The following DIAPH2 variants were observed in gnomAD, a reference collection of about 807,000 sequenced individuals.
DIAPH2 encodes diaphanous related formin 2.
Under a neutral mutation model 92.7 loss-of-function variants are expected in DIAPH2, and 35 were observed. That is an observed-to-expected ratio of 0.38 (90% confidence interval 0.29 to 0.50). DIAPH2 has a LOEUF of 0.50. Among genes scored for constraint, DIAPH2 ranks in the 20% least tolerant of loss-of-function variants. DIAPH2 has a pLI of 0.94. For missense variants in DIAPH2, 701 were observed against 819.5 expected, an observed-to-expected ratio of 0.86 and a Z score of 1.77; for synonymous variants, 301 against 280.4, an observed-to-expected ratio of 1.07 and a Z score of -0.73.
intron 22 of DIAPH2, among the ~76,000 whole-genome samples, chrX:97,208,263 A>C (rs2067813632): frequency 8.9e-6 from 1 of 112,281 alleles, no homozygotes; most frequent in Non-Finnish European, 1.9e-5. Flanking sequence ...GTAATAAGTG[A>C]TAAGAATATA....
At chrX:97,366,269 C>A (rs900926249) in intron 24 of DIAPH2, among the ~76,000 whole-genome samples, 1 of 111,812 alleles carries the variant, frequency 8.9e-6, no homozygotes, top group African/African-American at 3.2e-5. Flanking sequence ...CTGTCTCTCT[C>A]TGCCTCTCTC....
At chrX:96,826,905 G>A (rs1246865462) in intron 4 of DIAPH2, among the ~76,000 whole-genome samples, 1 of 111,526 alleles carries the variant, frequency 9.0e-6, no homozygotes, top group East Asian at 2.8e-4. Context: ...TTTTTTTAAA[G>A]AGGGAAAGGG....
intron 23 of DIAPH2, among the ~76,000 whole-genome samples, chrX:97,251,667 C>G (rs2068190351): frequency 8.9e-6 from 1 of 111,737 alleles, no homozygotes; most frequent in Admixed American, 9.5e-5. Context: ...AGGTGACCAG[C>G]CCACCTCAGC....
intron 22 of DIAPH2, among the ~76,000 whole-genome samples, chrX:97,217,801 C>T (rs1242073669): frequency 9.1e-6 from 1 of 110,179 alleles, no homozygotes; most frequent in Non-Finnish European, 1.9e-5. Context: ...CAAAAATTAG[C>T]TAGGCATGGT....
chrX:97,095,633 A>C (rs189627984), intron 19 of DIAPH2, among the ~76,000 whole-genome samples: 1 of 110,950 alleles, frequency 9.0e-6, no homozygotes, highest in Admixed American at 9.7e-5. Context: ...AAGACAAAAA[A>C]GAAAGGTTAT....
intron 21 of DIAPH2, among the ~76,000 whole-genome samples, chrX:97,132,641 C>T (rs1247767599): frequency 9.0e-6 from 1 of 111,260 alleles, no homozygotes; most frequent in Non-Finnish European, 1.9e-5. Context: ...TTGATATGTG[C>T]ACTGGAGCAT....
chrX:97,360,781 ATCC>A (rs764159758), intron 24 of DIAPH2, among the ~76,000 whole-genome samples: 23 of 112,336 alleles, frequency 2.0e-4, no homozygotes, highest in Admixed American at 3.8e-4. Flanking sequence ...GTTGTGAGCA[ATCC>A]TCCTTCATCA....
intron 26 of DIAPH2, among the ~76,000 whole-genome samples, chrX:97,498,267 T>G: frequency 8.9e-6 from 1 of 112,282 alleles, no homozygotes; most frequent in African/African-American, 3.2e-5. Context: ...TATCAGGGTA[T>G]CTGCTTATTT....
At chrX:96,940,492 G>A (rs779054998) in intron 12 of DIAPH2, among the ~76,000 whole-genome samples, 3 of 111,568 alleles carry the variant, frequency 2.7e-5, no homozygotes, top group South Asian at 3.7e-4. Flanking sequence ...TCTGATTTGC[G>A]TGAAATTCTG....
At chrX:96,830,906 C>T (rs897104400) in intron 4 of DIAPH2, among the ~76,000 whole-genome samples, 1 of 111,209 alleles carries the variant, frequency 9.0e-6, no homozygotes, top group Non-Finnish European at 1.9e-5. Context: ...CAAAATTGGG[C>T]CCAGCAGTTC....
chrX:97,347,076 C>CTA (rs1339232054), intron 23 of DIAPH2, among the ~76,000 whole-genome samples: 2 of 105,397 alleles, frequency 1.9e-5, no homozygotes, highest in Non-Finnish European at 3.9e-5. Flanking sequence ...ACAGAATTCA[C>CTA]TATAACCTCT....
At chrX:97,137,270 C>CATACATATAT (rs2067177305) in intron 21 of DIAPH2, among the ~76,000 whole-genome samples, 1 of 68,264 alleles carries the variant, frequency 1.5e-5, no homozygotes, top group Non-Finnish European at 2.6e-5. Flanking sequence ...CGCAGTTATA[C>CATACATATAT]ATATATATAT....
At chrX:96,818,268 G>A (rs937686416) in intron 4 of DIAPH2, among the ~76,000 whole-genome samples, 1 of 109,698 alleles carries the variant, frequency 9.1e-6, no homozygotes, top group African/African-American at 3.3e-5. Flanking sequence ...TGTGAGCCGC[G>A]GTGCCTGGTC....
At chrX:96,775,353 T>TTGTGTGTGTGTGTGTGTGTGTGTGTGTG (rs60441028) in intron 4 of DIAPH2, among the ~76,000 whole-genome samples, 2 of 89,364 alleles carry the variant, frequency 2.2e-5, no homozygotes, top group African/African-American at 4.0e-5. Flanking sequence ...CAACGTGTGC[T>TTGTGTGTGTGTGTGTGTGTGTGTGTGTG]TGTGTGTGTG....
chrX:97,033,309 C>G (rs917806820), intron 17 of DIAPH2, among the ~76,000 whole-genome samples: 1 of 111,539 alleles, frequency 9.0e-6, no homozygotes, highest in Non-Finnish European at 1.9e-5. Context: ...TCCTCACATT[C>G]ACAGTGTACT....
At chrX:97,487,654 C>T (rs770721857) in intron 26 of DIAPH2, among the ~76,000 whole-genome samples, 1 of 112,195 alleles carries the variant, frequency 8.9e-6, no homozygotes, top group African/African-American at 3.2e-5. Flanking sequence ...GAGGAAGCTT[C>T]ATACTCTTTT....
intron 21 of DIAPH2, among the ~76,000 whole-genome samples, chrX:97,133,403 T>G (rs766879993): frequency 9.0e-6 from 1 of 111,656 alleles, no homozygotes; most frequent in Admixed American, 9.5e-5. Flanking sequence ...TTCTCCTGCC[T>G]CGGCCTCCCA....
chrX:96,884,990 T>C (rs778644041), intron 5 of DIAPH2: 2 of 1,211,041 alleles, frequency 1.7e-6, no homozygotes, highest in Non-Finnish European at 2.2e-6. Flanking sequence ...CGGGCTCAGC[T>C]CTGCGACCTT....
intron 17 of DIAPH2, among the ~76,000 whole-genome samples, chrX:97,022,708 T>C (rs1377488264): frequency 8.9e-6 from 1 of 112,092 alleles, no homozygotes; most frequent in African/African-American, 3.2e-5. Context: ...TTTTTAACTT[T>C]TAAATAATAT....
Sources: gnomAD v4.1 joint callset for allele counts (sites outside exome capture counted in the v4.1 genomes callset) on GRCh38, gnomAD v4.1.1 for gene constraint, MANE v1.5 for transcripts, NCBI Gene and HGNC (gene_info 2026-07-23, HGNC 2026-07-21) for gene names.